Variants in DIS3L2 observed in about 807,000 individuals in gnomAD.
DIS3L2 encodes DIS3-like exonuclease 2.
DIS3L2 carries 34 observed loss-of-function variants against 97.5 expected under a neutral mutation model. The observed-to-expected ratio is 0.35, with a 90% CI of 0.27 to 0.46. The LOEUF is 0.46. Ranked by LOEUF, DIS3L2 falls within the 20% of genes least tolerant of loss-of-function variation. DIS3L2 has a pLI of 1.00. For synonymous variants in DIS3L2, 435 were observed against 445.2 expected (o/e 0.98, Z 0.29); for missense variants, 1,038 against 1,146.0 (o/e 0.91, Z 1.36).
chr2:232,271,966 A>G (rs1314428772), intron 13 of DIS3L2, among the ~76,000 whole-genome samples: 2 of 152,228 alleles, frequency 1.3e-5, no homozygotes, highest in Non-Finnish European at 2.9e-5. Context: ...CTAATTATAT[A>G]TAAGCAACAC....
chr2:232,146,889 A>C (rs958421154), intron 8 of DIS3L2, among the ~76,000 whole-genome samples: 3 of 152,188 alleles, frequency 2.0e-5, no homozygotes, highest in African/African-American at 7.2e-5. Flanking sequence ...AAGCTTAGAA[A>C]ATAGATTAAA....
chr2:232,197,704 C>G (rs1028017097), intron 9 of DIS3L2, among the ~76,000 whole-genome samples: 2 of 152,076 alleles, frequency 1.3e-5, no homozygotes, highest in African/African-American at 4.8e-5. Flanking sequence ...CGCGGTGGCT[C>G]AAGCCTGTAA....
chr2:232,247,618 G>A lies in DIS3L2; in HGVS notation c.1318-1621G>A, dbSNP rs796786271. Reference sequence around the variant, plus strand: ...AGGGCTTCAACATATAACTGCCGCGGGGGGGGGGGGGGGGGGGCGGGGGGG... The same window carrying A: ...AGGGCTTCAACATATAACTGCCGCGAGGGGGGGGGGGGGGGGGCGGGGGGG... On this transcript the variant is annotated intron_variant, in intron 11 of 20. Coordinates refer to ENST00000325385, the MANE Select transcript of DIS3L2 (RefSeq NM_152383.5). Among the ~76,000 whole-genome samples, 109 of 31,728 alleles carry A rather than the reference G, an allele frequency of 3.4e-3. 1 individual carries two copies. Among genetic ancestry groups the A allele is most frequent in the African/African-American group, 0.01 (82 of 8,076 alleles). 20.8% of individuals were successfully genotyped at this position (31,728 alleles called of 152,430 possible).
chr2:232,243,645 A>G (rs1693167339), intron 11 of DIS3L2, among the ~76,000 whole-genome samples: 1 of 152,220 alleles, frequency 6.6e-6, no homozygotes, highest in South Asian at 2.1e-4. Context: ...CCTAGTGCCA[A>G]ATGGACATTC....
At chr2:232,077,525 T>A (rs562396828) in intron 5 of DIS3L2, among the ~76,000 whole-genome samples, 1 of 152,308 alleles carries the variant, frequency 6.6e-6, no homozygotes, top group South Asian at 2.1e-4. Context: ...GTCTATATTT[T>A]CACTGCTTAT....
chr2:232,182,096 CT>C (rs1489185624), intron 9 of DIS3L2, among the ~76,000 whole-genome samples: 1 of 152,170 alleles, frequency 6.6e-6, no homozygotes, highest in Non-Finnish European at 1.5e-5. Flanking sequence ...TCCCTGATTG[CT>C]TTAGCTACAT....
In DIS3L2 at chr2:231,980,460, A is replaced by G. The variant is rs1574782650; in HGVS notation, c.-94+18695A>G. Reference sequence around the variant, plus strand: ...ATGCCTGTAATCCCAGTGCTTTGGGAGGCTGAGGCGGGCAGATAATGAGGT... The same window carrying G: ...ATGCCTGTAATCCCAGTGCTTTGGGGGGCTGAGGCGGGCAGATAATGAGGT... On this transcript the variant is annotated intron_variant, in intron 1 of 20. Coordinates refer to ENST00000325385, the MANE Select transcript of DIS3L2 (RefSeq NM_152383.5). Among the ~76,000 whole-genome samples the G allele has an allele frequency of 2.0e-5, 3 of 152,124 alleles. No homozygotes were observed. In the South Asian group the frequency reaches 6.2e-4, roughly 32 times the overall value.
rs889264681 is a variant in DIS3L2 at position 232,269,167 on chromosome 2, G to A, written c.1659+5727G>A. Among the ~76,000 whole-genome samples, 10 of 152,140 alleles carry A rather than the reference G, an allele frequency of 6.6e-5. No individual in the cohort carries two copies. The highest frequency in any genetic ancestry group is 1.0e-4 in the Non-Finnish European group (7 of 68,016). On this transcript the variant is annotated intron_variant, in intron 13 of 20. Transcript: ENST00000325385. This position sits in a 1 kb window ranked among gnomAD's most constrained non-coding sequence, Gnocchi z 4.5. ...GGGACTGCTCATGGCAAAATGTAGC[G>A]CTAAGGAAACTGTGTAGCATTTCTC...
chr2:232,032,873 A>G (rs941448405), intron 5 of DIS3L2, among the ~76,000 whole-genome samples: 6 of 152,174 alleles, frequency 3.9e-5, no homozygotes, highest in African/African-American at 1.4e-4. Flanking sequence ...TACCAGTAGC[A>G]TGCTGTTTTT....
chr2:232,143,743 T>C (rs1223153877), intron 8 of DIS3L2, among the ~76,000 whole-genome samples: 1 of 152,110 alleles, frequency 6.6e-6, no homozygotes, highest in African/African-American at 2.4e-5. Context: ...AACCTAATAC[T>C]AAAACCAACC....
At chr2:231,973,733 G>T (rs181715012) in intron 1 of DIS3L2, among the ~76,000 whole-genome samples, 1 of 152,020 alleles carries the variant, frequency 6.6e-6, no homozygotes, top group Non-Finnish European at 1.5e-5. Context: ...GCTGCAACTC[G>T]GGCTACATAT....
At chr2:232,187,565 C>T in intron 9 of DIS3L2, among the ~76,000 whole-genome samples, 1 of 152,106 alleles carries the variant, frequency 6.6e-6, no homozygotes, top group Non-Finnish European at 1.5e-5. Context: ...GCCTCAGCCT[C>T]CCAAGTAGCT....
rs3748887 is a variant in DIS3L2, at chr2:232,087,845, A to C, written c.601+124A>C. Reference sequence around the variant, plus strand: ...ATAGTCCTAATTTTTGACCTGTGGCAGCTTTCAGAAAAGGGGGATCTTTGA... The same window carrying C: ...ATAGTCCTAATTTTTGACCTGTGGCCGCTTTCAGAAAAGGGGGATCTTTGA... On this transcript the variant is annotated intron_variant, in intron 6 of 20. Transcript: ENST00000325385. The C allele has an allele frequency of 3.1e-3, 2,324 of 756,400 alleles. 58 individuals carry two copies. The East Asian group carries it at 0.056, about 18-fold the overall frequency. The allele number at this position is 756,400 out of a possible 1,614,324, so 46.9% of individuals were successfully genotyped here. A position where few individuals can be genotyped will look rare whatever the true frequency, so the allele number is the denominator to read the frequency against.
At position 232,149,173 on chromosome 2, in the gene DIS3L2, T is replaced by C. The variant is rs982031768; in HGVS notation, c.950+12454T>C. Among the ~76,000 whole-genome samples, 24 of 149,460 alleles carry C rather than the reference T, an allele frequency of 1.6e-4. No homozygotes were observed. In the East Asian group the frequency reaches 4.7e-3, roughly 29 times the overall value. On this transcript the variant is annotated intron_variant, in intron 8 of 20. Transcript: ENST00000325385. ...ACCAGCTTCAGAATGTAAGCAAATCTTTCATTCCAGCGCTTAAAAGTTTTT... is the reference window on the plus strand; with the variant it reads ...ACCAGCTTCAGAATGTAAGCAAATCCTTCATTCCAGCGCTTAAAAGTTTTT...
intron 10 of DIS3L2, among the ~76,000 whole-genome samples, chr2:232,235,314 T>C (rs1049593150): frequency 3.3e-5 from 5 of 152,256 alleles, no homozygotes; most frequent in African/African-American, 1.2e-4. Flanking sequence ...TGGCAGCATA[T>C]GCCATGTGAC....
intron 12 of DIS3L2, among the ~76,000 whole-genome samples, chr2:232,259,666 T>A (rs2106276626): frequency 6.6e-6 from 1 of 152,260 alleles, no homozygotes; most frequent in South Asian, 2.1e-4. Flanking sequence ...TCGCCCAAGC[T>A]GGAGTGCAGT....
intron 9 of DIS3L2, among the ~76,000 whole-genome samples, chr2:232,208,486 T>A (rs1006969125): frequency 1.3e-5 from 2 of 152,194 alleles, no homozygotes; most frequent in African/African-American, 4.8e-5. Context: ...AATTTTTGTA[T>A]TTTTAGTAGA....
At chr2:232,005,170 A>ATT (rs55757645) in intron 1 of DIS3L2, among the ~76,000 whole-genome samples, 1,838 of 126,520 alleles carry the variant, frequency 0.015, 36 homozygotes, top group Non-Finnish European at 0.022. Context: ...AAGAATCTTG[A>ATT]TTTTTTTTTT....
chr2:231,993,771 T>G (rs1445989306), intron 1 of DIS3L2, among the ~76,000 whole-genome samples: 3 of 152,230 alleles, frequency 2.0e-5, no homozygotes, highest in South Asian at 2.1e-4. Context: ...GCATTTTTTT[T>G]TTTTTTTTGG....
Sources: allele counts gnomAD v4.1 joint callset (sites outside exome capture counted in the v4.1 genomes callset), GRCh38; gene constraint gnomAD v4.1.1; non-coding constraint Gnocchi (gnomAD v3.1); transcripts MANE v1.5; gene names NCBI Gene and HGNC (gene_info 2026-07-23, HGNC 2026-07-21).